SLC39A11: variants seen among roughly 807,000 people sequenced by gnomAD.
SLC39A11 encodes solute carrier family 39 member 11, also known as zinc transporter ZIP11.
Under a neutral mutation model 36.1 loss-of-function variants are expected in SLC39A11, and 33 were observed. That is an observed-to-expected ratio of 0.91 (90% CI 0.69 to 1.22). The LOEUF is 1.22. Ranked by LOEUF, SLC39A11 falls within the 50% of genes most tolerant of loss-of-function variation. The pLI is 0.00. For missense variants in SLC39A11, 432 were observed against 430.3 expected (o/e 1.00, Z -0.03); for synonymous variants, 166 against 170.3 (o/e 0.97, Z 0.20).
At chr17:72,696,626 C>G (rs1245017397) in intron 7 of SLC39A11, among the ~76,000 whole-genome samples, 1 of 152,166 alleles carries the variant, frequency 6.6e-6, no homozygotes, top group Non-Finnish European at 1.5e-5. Context: ...GGCCCCCTAT[C>G]TCTCTGATTT....
chr17:72,654,065 G>A (rs1356114792), intron 7 of SLC39A11, among the ~76,000 whole-genome samples: 1 of 152,176 alleles, frequency 6.6e-6, no homozygotes. Context: ...GGCATGGGGA[G>A]TGAGCGGGTG....
intron 6 of SLC39A11, among the ~76,000 whole-genome samples, chr17:72,776,610 G>GAAAAA (rs34044701): frequency 3.3e-5 from 4 of 119,846 alleles, no homozygotes; most frequent in Admixed American, 9.1e-5. Flanking sequence ...ACTTTGCATG[G>GAAAAA]AAAAAAAAAA....
intron 5 of SLC39A11, 134 bp downstream of exon 5, chr17:72,947,618 G>T: frequency 7.8e-7 from 1 of 1,290,126 alleles, no homozygotes; most frequent in South Asian, 1.3e-5. Context: ...GTAGTAGGGT[G>T]AGTGATTCGG....
At chr17:72,759,954 A>T (rs1018088459) in intron 6 of SLC39A11, among the ~76,000 whole-genome samples, 2 of 152,220 alleles carry the variant, frequency 1.3e-5, no homozygotes, top group African/African-American at 4.8e-5. Context: ...TTGGGTATGC[A>T]GATGTCCAAA....
At chr17:72,745,661 C>G (rs1223118291) in intron 6 of SLC39A11, among the ~76,000 whole-genome samples, 1 of 152,190 alleles carries the variant, frequency 6.6e-6, no homozygotes, top group Non-Finnish European at 1.5e-5. Flanking sequence ...ATGGATGTCA[C>G]TAAATCTCTC....
intron 5 of SLC39A11, among the ~76,000 whole-genome samples, chr17:72,850,745 G>GT (rs2079271085): frequency 6.6e-6 from 1 of 152,168 alleles, no homozygotes; most frequent in African/African-American, 2.4e-5. Context: ...CAAGCGTTTT[G>GT]TGAGGATTAA....
At chr17:73,049,860 C>T (rs931095393) in intron 3 of SLC39A11, among the ~76,000 whole-genome samples, 4 of 152,178 alleles carry the variant, frequency 2.6e-5, no homozygotes, top group East Asian at 1.9e-4. Context: ...CAGTGGCTCA[C>T]GCCTATAATC....
chr17:72,946,152 C>T (rs957993541), intron 5 of SLC39A11, among the ~76,000 whole-genome samples: 9 of 152,222 alleles, frequency 5.9e-5, no homozygotes, highest in African/African-American at 1.9e-4. Context: ...TGTCACCAGA[C>T]AGTCCTTGAC....
At chr17:72,726,723 T>C (rs2713964) in intron 7 of SLC39A11, among the ~76,000 whole-genome samples, 87,919 of 152,100 alleles carry the variant, frequency 0.58, 26,237 homozygotes, top group Middle Eastern at 0.66. Flanking sequence ...CTGTCTTAAA[T>C]AATTGTTAAT....
chr17:72,994,638 T>A (rs912038103), intron 4 of SLC39A11, among the ~76,000 whole-genome samples: 6 of 152,236 alleles, frequency 3.9e-5, no homozygotes, highest in African/African-American at 1.4e-4. Flanking sequence ...ATTAGAAATC[T>A]GAGCTCTGGT....
chr17:72,647,906 G>A (rs994570258), intron 9 of SLC39A11, among the ~76,000 whole-genome samples: 1 of 152,208 alleles, frequency 6.6e-6, no homozygotes, highest in African/African-American at 2.4e-5. Context: ...GAGGCAAAGA[G>A]AAGTTACTTG....
At chr17:72,849,023 T>C (rs1469551621) in intron 6 of SLC39A11, among the ~76,000 whole-genome samples, 2 of 152,230 alleles carry the variant, frequency 1.3e-5, no homozygotes, top group African/African-American at 4.8e-5. Context: ...GTATGTTATA[T>C]GTATTATAAA....
At chr17:72,876,766 G>A (rs1001189187) in intron 5 of SLC39A11, among the ~76,000 whole-genome samples, 1 of 152,136 alleles carries the variant, frequency 6.6e-6, no homozygotes, top group African/African-American at 2.4e-5. Flanking sequence ...ATTTTAGTCA[G>A]TTGAAGAGAA....
chr17:72,746,611 A>G (rs2567466), intron 6 of SLC39A11, among the ~76,000 whole-genome samples: 128,868 of 151,914 alleles, frequency 0.85, 55,641 homozygotes, highest in African/African-American at 0.96. Flanking sequence ...GGTGGTGGGC[A>G]CCTGTAGTCC....
intron 4 of SLC39A11, among the ~76,000 whole-genome samples, chr17:73,010,216 A>C (rs1417381844): frequency 1.3e-5 from 2 of 152,206 alleles, no homozygotes; most frequent in South Asian, 2.1e-4. Flanking sequence ...CGGCACCTGC[A>C]TTTTGTTAGG....
chr17:72,692,080 G>A (rs937356505), intron 7 of SLC39A11, among the ~76,000 whole-genome samples: 22 of 150,904 alleles, frequency 1.5e-4, no homozygotes, highest in Non-Finnish European at 1.3e-4. Context: ...GCGCGATCTC[G>A]GCTCACTGCA....
intron 6 of SLC39A11, among the ~76,000 whole-genome samples, chr17:72,789,040 C>CT (rs34275454): frequency 0.017 from 2,382 of 143,990 alleles, 34 homozygotes; most frequent in African/African-American, 0.036. Flanking sequence ...AGGACAAAGG[C>CT]TTTTTTTTTT....
rs1173925494 is a variant in SLC39A11 at position 72,864,451 on chromosome 17, G to C, written c.431-14647C>G. On this transcript the variant is annotated intron_variant, in intron 5 of 9. Transcript: ENST00000255559. The stretch of plus-strand genomic sequence containing the variant: ...ATAGGACAGGCTGAGCCCAGCTAAA[G>C]GTGGACATCTAATGGCCTCACCAAA... 3.3e-5 allele frequency among the ~76,000 whole-genome samples: 5 copies of C among 152,082 alleles called. No individual in the cohort carries two copies. In the South Asian group the frequency reaches 1.0e-3, roughly 32 times the overall value.
intron 4 of SLC39A11, among the ~76,000 whole-genome samples, chr17:72,990,970 T>C (rs1380643944): frequency 6.6e-6 from 1 of 152,222 alleles, no homozygotes; most frequent in Non-Finnish European, 1.5e-5. Flanking sequence ...TTTGAGGTCA[T>C]TTAGTCAATA....
Sources: gnomAD v4.1 joint callset for allele counts (sites outside exome capture counted in the v4.1 genomes callset) on GRCh38, gnomAD v4.1.1 for gene constraint, MANE v1.5 for transcripts, NCBI Gene and HGNC (gene_info 2026-07-23, HGNC 2026-07-21) for gene names.